TXNL4A: variants seen among roughly 807,000 people sequenced by gnomAD.
The protein encoded by TXNL4A is thioredoxin like 4A.
A neutral mutation model predicts 14.6 loss-of-function variants in TXNL4A; 17 were observed. That is an observed-to-expected ratio of 1.16 (90% CI 0.80 to 1.74). The LOEUF is 1.74. Ranked by LOEUF, TXNL4A falls within the 40% of genes most tolerant of loss-of-function variation. TXNL4A has a pLI of 0.00. For missense variants in TXNL4A, 74 were observed against 195.2 expected (o/e 0.38, Z 3.70); for synonymous variants, 83 against 70.6 (o/e 1.18, Z -0.88).
rs2051837163 is a variant in TXNL4A, at chr18:80,019,930, G to A, written c.-61+13921C>T. ...TTAATGGTTAAAGGTAAAGCCAGCA[G>A]AGGGAACCCCAAGATAGTGATATGG... On this transcript the variant is annotated intron_variant, in intron 1 of 2. Transcript: ENST00000585474. 1.3e-5 allele frequency among the ~76,000 whole-genome samples: 2 copies of A among 152,146 alleles called. 1 individual carries two copies. The highest frequency in any genetic ancestry group is 2.9e-5 in the Non-Finnish European group (2 of 68,034).
chr18:79,988,696 C>G (rs573701809), upstream of TXNL4A: 38 of 222,320 alleles, frequency 1.7e-4, no homozygotes, highest in East Asian at 1.5e-3. Flanking sequence ...GACCTGGGCA[C>G]CGTGGAGCGC....
In TXNL4A at chr18:80,018,831, A is replaced by G. The variant is rs1030675887; in HGVS notation, c.-61+15020T>C. Among the ~76,000 whole-genome samples, 3 of 152,344 alleles carry G rather than the reference A, an allele frequency of 2.0e-5. No homozygotes were observed. The South Asian group carries it at 6.2e-4, about 32-fold the overall frequency. On this transcript the variant is annotated intron_variant, in intron 1 of 2. Coordinates refer to the TXNL4A transcript ENST00000585474. ...AAATTTCTTCTGCCAGATACCCTAA[A>G]TCATCTCTCTCGAGTTAAAAGTTCC...
At chr18:80,027,749 G>C (rs1237836011) in intron 1 of TXNL4A, among the ~76,000 whole-genome samples, 2 of 152,114 alleles carry the variant, frequency 1.3e-5, no homozygotes, top group Non-Finnish European at 2.9e-5. Flanking sequence ...AGCCACCAAA[G>C]GACACAAAGT....
intron 1 of TXNL4A, among the ~76,000 whole-genome samples, chr18:80,024,003 G>A (rs865781344): frequency 1.3e-5 from 2 of 152,150 alleles, no homozygotes; most frequent in Non-Finnish European, 2.9e-5. Flanking sequence ...CGGTAACCAC[G>A]AAGGGATCCT....
At chr18:79,974,259 T>C (rs532896748) in intron 2 of TXNL4A, among the ~76,000 whole-genome samples, 1 of 152,304 alleles carries the variant, frequency 6.6e-6, no homozygotes, top group East Asian at 1.9e-4. Flanking sequence ...TTTGTACTAA[T>C]TTACCTGATA....
intron 1 of TXNL4A, among the ~76,000 whole-genome samples, chr18:80,030,963 T>A (rs963667893): frequency 6.6e-6 from 1 of 152,154 alleles, no homozygotes; most frequent in African/African-American, 2.4e-5. Flanking sequence ...TGAGATTCCA[T>A]GTCAAAATAA....
intron 1 of TXNL4A, among the ~76,000 whole-genome samples, chr18:80,009,365 GC>G (rs1232217618): frequency 6.6e-6 from 1 of 152,078 alleles, no homozygotes; most frequent in Non-Finnish European, 1.5e-5. Context: ...ATTTCACGGG[GC>G]GTTTATCCTC....
intron 1 of TXNL4A, among the ~76,000 whole-genome samples, chr18:80,000,946 C>G (rs922846839): frequency 1.3e-5 from 2 of 152,120 alleles, no homozygotes; most frequent in Non-Finnish European, 2.9e-5. Flanking sequence ...GAGCAAGGAG[C>G]CAAATGTTAG....
chr18:79,978,380 A>G (rs956554623), intron 1 of TXNL4A, among the ~76,000 whole-genome samples: 5 of 152,222 alleles, frequency 3.3e-5, no homozygotes, highest in Non-Finnish European at 5.9e-5. Context: ...AATACTGCAT[A>G]TAACACATTT....
At chr18:80,004,597 C>T (rs1415858574) in intron 1 of TXNL4A, among the ~76,000 whole-genome samples, 1 of 152,126 alleles carries the variant, frequency 6.6e-6, no homozygotes, top group Non-Finnish European at 1.5e-5. Flanking sequence ...GTGCCAGGCC[C>T]TCGGCTTCGT....
intron 1 of TXNL4A, among the ~76,000 whole-genome samples, chr18:80,002,788 G>A (rs56169437): frequency 6.0e-4 from 92 of 152,340 alleles, no homozygotes; most frequent in Non-Finnish European, 1.0e-3. Context: ...TGTCCTAAGT[G>A]TGAGCTTTCG....
At chr18:79,976,489 G>A (rs879661230) in intron 2 of TXNL4A, among the ~76,000 whole-genome samples, 6 of 152,036 alleles carry the variant, frequency 3.9e-5, no homozygotes, top group Non-Finnish European at 8.8e-5. Flanking sequence ...AGCCAGACTC[G>A]GCCCACAACC....
intron 1 of TXNL4A, among the ~76,000 whole-genome samples, chr18:80,019,391 C>G (rs1013327932): frequency 3.3e-5 from 5 of 152,180 alleles, no homozygotes; most frequent in African/African-American, 1.2e-4. Flanking sequence ...GAGAATTTAT[C>G]ATGAGAACAG....
intron 1 of TXNL4A, among the ~76,000 whole-genome samples, chr18:79,998,778 G>A (rs2051679184): frequency 6.6e-6 from 1 of 150,392 alleles, no homozygotes; most frequent in Admixed American, 6.7e-5. Flanking sequence ...AATTTTGCTT[G>A]TACCATCTTC....
upstream of TXNL4A, chr18:79,988,581 C>T (rs1474747283): frequency 5.9e-6 from 3 of 509,924 alleles, no homozygotes; most frequent in Middle Eastern, 5.9e-4. Flanking sequence ...CACGCACCGA[C>T]GCCGTGCGTG....
chr18:80,024,227 T>C (rs989008527), intron 1 of TXNL4A, among the ~76,000 whole-genome samples: 3 of 152,070 alleles, frequency 2.0e-5, no homozygotes, highest in East Asian at 3.8e-4. Flanking sequence ...GTTTTTCCAC[T>C]GGCTTCCATC....
chr18:79,988,972 C>T (rs72970145), upstream of TXNL4A, among the ~76,000 whole-genome samples: 24,199 of 152,150 alleles, frequency 0.16, 2,051 homozygotes, highest in East Asian at 0.28. Context: ...ATTTGTGAAA[C>T]TTGATCATAA....
intron 1 of TXNL4A, among the ~76,000 whole-genome samples, chr18:80,012,769 T>G (rs1237897020): frequency 6.6e-6 from 1 of 152,204 alleles, no homozygotes; most frequent in Non-Finnish European, 1.5e-5. Context: ...CAACCCTCTT[T>G]ACAGGGTCTG....
rs1215410200 is a variant in TXNL4A, at chr18:80,017,146, T to C, written c.-61+16705A>G. On this transcript the variant is annotated intron_variant, in intron 1 of 2. Transcript: ENST00000585474. ...GCAATTGTGAATGGGAGTTCACTCA[T>C]GATTTGGCTCTCTGTTTGTCTGTTA... Among the ~76,000 whole-genome samples the C allele has an allele frequency of 1.4e-3, 217 of 150,852 alleles. 1 individual carries two copies. Among genetic ancestry groups the C allele is most frequent in the African/African-American group, 5.1e-3 (210 of 41,312 alleles).
Sources: allele counts gnomAD v4.1 joint callset (sites outside exome capture counted in the v4.1 genomes callset), GRCh38; gene constraint gnomAD v4.1.1; transcripts MANE v1.5; gene names NCBI Gene and HGNC (gene_info 2026-07-23, HGNC 2026-07-21).